ITPR1: variants seen among roughly 807,000 people sequenced by gnomAD.
ITPR1 encodes inositol 1,4,5-trisphosphate-gated calcium channel ITPR1.
ITPR1 carries 96 observed loss-of-function variants against 318.4 expected under a neutral mutation model. That is an observed-to-expected ratio of 0.30 (90% CI 0.26 to 0.36). ITPR1 has a LOEUF of 0.36. Among genes scored for constraint, ITPR1 ranks in the 10% least tolerant of loss-of-function variants. ITPR1 has a pLI of 1.00. For missense variants in ITPR1, 2,440 were observed against 3,460.2 expected (o/e 0.71, Z 7.40); for synonymous variants, 1,312 against 1,289.9 (o/e 1.02, Z -0.37).
chr3:4,582,662 G>A (rs186352312), intron 4 of ITPR1, among the ~76,000 whole-genome samples: 33 of 152,342 alleles, frequency 2.2e-4, no homozygotes, highest in African/African-American at 7.2e-4. Flanking sequence ...ACTGGACAAC[G>A]TATTCTTTCT....
intron 4 of ITPR1, among the ~76,000 whole-genome samples, chr3:4,527,362 G>T (rs1440255432): frequency 6.6e-6 from 1 of 152,122 alleles, no homozygotes; most frequent in African/African-American, 2.4e-5. Flanking sequence ...TTTTTGTAGA[G>T]ATGGGGGTCT....
intron 30 of ITPR1, among the ~76,000 whole-genome samples, 191 bp downstream of exon 30, chr3:4,685,397 T>C (rs1005720661): frequency 9.2e-5 from 14 of 152,250 alleles, no homozygotes; most frequent in African/African-American, 3.4e-4. Flanking sequence ...CCGTGAATAA[T>C]CCTCATCCCC....
At chr3:4,506,390 A>T (rs990225577) in intron 2 of ITPR1, among the ~76,000 whole-genome samples, 19 of 151,044 alleles carry the variant, frequency 1.3e-4, no homozygotes, top group African/African-American at 4.6e-4. Context: ...CTTCCGCCTG[A>T]TTTTTTTTTG....
At chr3:4,548,012 A>C (rs996250005) in intron 4 of ITPR1, among the ~76,000 whole-genome samples, 1 of 152,152 alleles carries the variant, frequency 6.6e-6, no homozygotes. Flanking sequence ...CTTATTTCTC[A>C]TGTTGAATTT....
intron 54 of ITPR1, among the ~76,000 whole-genome samples, chr3:4,801,809 G>A (rs926430590): frequency 6.6e-6 from 1 of 152,070 alleles, no homozygotes; most frequent in Non-Finnish European, 1.5e-5. Context: ...TTAAAAAAAA[G>A]GGAATGGAGA....
rs779454574 is a variant in ITPR1, at chr3:4,674,185, TTCTC to T, written c.2457-16_2457-13del. The T allele has an allele frequency of 6.5e-7, 1 of 1,529,916 alleles. No individual in the cohort carries two copies. Among genetic ancestry groups the T allele is most frequent in the East Asian group, 2.5e-5 (1 of 40,626 alleles). 94.8% of individuals were successfully genotyped at this position (1,529,916 alleles called of 1,614,324 possible). A position where few individuals can be genotyped will look rare whatever the true frequency, so the allele number is the denominator to read the frequency against. Reference sequence around the variant, plus strand: ...TAACTTGAAATTTTGTTTCCTTTCTTTCTCCTTTCTTTTCAGCTATGATAGTAGT... The same window carrying T: ...TAACTTGAAATTTTGTTTCCTTTCTTCTTTCTTTTCAGCTATGATAGTAGT... On this transcript the variant is annotated splice_polypyrimidine_tract_variant and intron_variant, in intron 21 of 61. Coordinates refer to ENST00000649015, the MANE Select transcript of ITPR1 (RefSeq NM_001378452.1).
At chr3:4,513,219 C>T (rs1018199397) in intron 2 of ITPR1, among the ~76,000 whole-genome samples, 3 of 152,234 alleles carry the variant, frequency 2.0e-5, no homozygotes, top group Non-Finnish European at 4.4e-5. Flanking sequence ...CTCCACCCCT[C>T]CACACCACAG....
chr3:4,562,515 T>C (rs1371557807), intron 4 of ITPR1, among the ~76,000 whole-genome samples: 4 of 152,194 alleles, frequency 2.6e-5, no homozygotes, highest in African/African-American at 9.7e-5. Flanking sequence ...GGAAGGACTA[T>C]CTGGCATGTT....
intron 30 of ITPR1, among the ~76,000 whole-genome samples, 166 bp from the exon 31 acceptor site, chr3:4,688,329 T>A (rs1043721707): frequency 3.3e-5 from 5 of 152,216 alleles, no homozygotes; most frequent in African/African-American, 1.2e-4. Context: ...CATAGACAAG[T>A]TACTGGCTTC....
intron 4 of ITPR1, among the ~76,000 whole-genome samples, chr3:4,619,445 C>G (rs750667999): frequency 2.6e-5 from 4 of 151,778 alleles, no homozygotes; most frequent in South Asian, 2.1e-4. Context: ...TCCTTCCTTT[C>G]CTTTCCTCCT....
At chr3:4,642,312 A>G (rs888080875) in intron 7 of ITPR1, 61 bp downstream of exon 7, 10 of 1,327,250 alleles carry the variant, frequency 7.5e-6, no homozygotes, top group South Asian at 6.2e-5. Flanking sequence ...ATGACTGTAT[A>G]TTAGAGTTAA....
chr3:4,596,779 A>T (rs990923661), intron 4 of ITPR1, among the ~76,000 whole-genome samples: 2 of 152,030 alleles, frequency 1.3e-5, no homozygotes, highest in Admixed American at 6.5e-5. Context: ...TTAAACCCCA[A>T]CTCCTCCATG....
intron 31 of ITPR1, among the ~76,000 whole-genome samples, chr3:4,690,231 C>T (rs1340683595): frequency 6.6e-6 from 1 of 152,134 alleles, no homozygotes; most frequent in Non-Finnish European, 1.5e-5. Context: ...GCCAAGATTG[C>T]ACCACTGCAT....
At chr3:4,778,448 A>T (rs2046617122) in intron 48 of ITPR1, among the ~76,000 whole-genome samples, 1 of 152,238 alleles carries the variant, frequency 6.6e-6, no homozygotes, top group Admixed American at 6.5e-5. Flanking sequence ...GTCATAGGAA[A>T]GGTCATTAGG....
At position 4,735,332 on chromosome 3, in the gene ITPR1, A is replaced by G. The variant is rs2043195226; in HGVS notation, c.5522A>G (p.Glu1841Gly). 6.2e-7 allele frequency: 1 copy of G among 1,613,750 alleles called. No individual in the cohort carries two copies. Among genetic ancestry groups the G allele is most frequent in the African/African-American group, 1.3e-5 (1 of 74,892 alleles). The change falls in exon 44 of 62, where the codon GAA (glutamate) becomes GGA (glycine). Residue 1841 changes from glutamate to glycine, a missense_variant. Glu to Gly is a moderately conservative substitution (Grantham distance 98). This residue lies in a region of ITPR1 where 80 missense variants were observed against 122.0 expected (regional missense o/e 0.66). Transcript: ENST00000649015. ...ESILLAIALL[E>G]GGNTTIQHSF... ...ATTCTCCTGGCCATTGCCCTTCTGG[A>G]AGGAGGCAACACCACCATCCAGGTA...
intron 36 of ITPR1, among the ~76,000 whole-genome samples, chr3:4,704,796 C>T (rs2094723611): frequency 1.3e-5 from 2 of 151,944 alleles, no homozygotes. Flanking sequence ...AGAGTCCCCT[C>T]TGTGCCTCTT....
At chr3:4,614,130 G>A (rs1451305399) in intron 4 of ITPR1, among the ~76,000 whole-genome samples, 1 of 152,188 alleles carries the variant, frequency 6.6e-6, no homozygotes, top group Non-Finnish European at 1.5e-5. Flanking sequence ...GCCAGGCGTG[G>A]CAGTGCATAC....
rs755844856 is a variant in ITPR1 at position 4,643,858 on chromosome 3, GT to G, written c.526-264del. Among the ~76,000 whole-genome samples, 484 of 143,992 alleles carry G rather than the reference GT, an allele frequency of 3.4e-3. 3 individuals carry two copies. Among genetic ancestry groups the G allele is most frequent in the African/African-American group, 8.5e-3 (337 of 39,458 alleles). 94.5% of individuals were successfully genotyped at this position (143,992 alleles called of 152,430 possible). On this transcript the variant is annotated intron_variant, in intron 7 of 61. Coordinates refer to ENST00000649015, the MANE Select transcript of ITPR1 (RefSeq NM_001378452.1). ...TTATATAGGTACCTTAAACTGAACA[GT>G]TTTTTTTTTTTTTCCTGCTCTGAAC...
chr3:4,557,598 G>C (rs1180594648), intron 4 of ITPR1, among the ~76,000 whole-genome samples: 2 of 152,176 alleles, frequency 1.3e-5, no homozygotes, highest in Non-Finnish European at 2.9e-5. Flanking sequence ...TAAAGCTTTT[G>C]ACAGACCTCT....
Sources: allele counts gnomAD v4.1 joint callset (sites outside exome capture counted in the v4.1 genomes callset), GRCh38; gene constraint gnomAD v4.1.1; regional missense constraint gnomAD v4.1.1; transcripts MANE v1.5; gene names NCBI Gene and HGNC (gene_info 2026-07-23, HGNC 2026-07-21).